Variants in SAE1 observed in about 807,000 individuals in gnomAD.
SAE1 encodes the protein SUMO-activating enzyme subunit 1.
A neutral mutation model predicts 40.6 loss-of-function variants in SAE1; 11 were observed. The ratio of observed to expected loss-of-function variants is 0.27; its 90% confidence interval spans 0.17 to 0.45. The LOEUF is 0.45. SAE1 is among the 20% of genes least tolerant of loss of function. The pLI is 1.00. For synonymous variants in SAE1, 155 were observed against 154.3 expected (o/e 1.00, Z -0.03); for missense variants, 373 against 427.3 (o/e 0.87, Z 1.12).
chr19:47,179,141 G>A (rs1270039695), intron 6 of SAE1, among the ~76,000 whole-genome samples: 4 of 144,946 alleles, frequency 2.8e-5, no homozygotes, highest in Non-Finnish European at 4.5e-5. Flanking sequence ...GCAGTGAGCC[G>A]AGATCTCACC....
chr19:47,196,171 G>C (rs1194681434), intron 6 of SAE1, among the ~76,000 whole-genome samples: 1 of 148,522 alleles, frequency 6.7e-6, no homozygotes, highest in Non-Finnish European at 1.5e-5. Flanking sequence ...TCAGCCTTCC[G>C]AGTAGCTGGG....
At chr19:47,198,212 C>T (rs141987360) in intron 7 of SAE1, among the ~76,000 whole-genome samples, 74 of 152,198 alleles carry the variant, frequency 4.9e-4, no homozygotes, top group African/African-American at 1.7e-3. Flanking sequence ...TGGGTCCAAG[C>T]GATTCTCCTA....
intron 6 of SAE1, among the ~76,000 whole-genome samples, chr19:47,176,455 G>A (rs773279602): frequency 2.0e-5 from 3 of 152,162 alleles, no homozygotes; most frequent in Non-Finnish European, 4.4e-5. Context: ...GCCTAATGGC[G>A]CACATAGTAG....
At chr19:47,148,649 C>G (rs2058268573) in intron 2 of SAE1, among the ~76,000 whole-genome samples, 1 of 150,206 alleles carries the variant, frequency 6.7e-6, no homozygotes, top group Admixed American at 6.6e-5. Flanking sequence ...GAGTCTCACT[C>G]TGTTGCCCAG....
At chr19:47,144,901 C>A (rs901753217) in intron 2 of SAE1, among the ~76,000 whole-genome samples, 1 of 151,990 alleles carries the variant, frequency 6.6e-6, no homozygotes, top group Non-Finnish European at 1.5e-5. Flanking sequence ...GCGCAATCTC[C>A]GCACACTGCA....
intron 6 of SAE1, among the ~76,000 whole-genome samples, chr19:47,173,483 C>T (rs2058448138): frequency 6.6e-6 from 1 of 152,128 alleles, no homozygotes; most frequent in Non-Finnish European, 1.5e-5. Context: ...TCAATGACCC[C>T]TGTGATGTTG....
rs958403274 is a variant in SAE1 at position 47,149,163 on chromosome 19, CTTTT to C, written c.211-1017_211-1014del. On this transcript the variant is annotated intron_variant, in intron 2 of 8. Transcript: ENST00000270225. ...TACTGTGCCAGGCTGCACTGGTCTA[CTTTT>C]TTTTTTTTTTTTTTTTTTTTTGAGA... Among the ~76,000 whole-genome samples, 335 of 86,470 alleles carry C rather than the reference CTTTT, an allele frequency of 3.9e-3. 1 individual carries two copies. The highest frequency in any genetic ancestry group is 0.015 in the African/African-American group (318 of 21,272). The allele number at this position is 86,470 out of a possible 152,430, so 56.7% of individuals were successfully genotyped here. A position where few individuals can be genotyped will look rare whatever the true frequency, so the allele number is the denominator to read the frequency against.
At chr19:47,149,014 G>A (rs528486068) in intron 2 of SAE1, among the ~76,000 whole-genome samples, 1 of 151,874 alleles carries the variant, frequency 6.6e-6, no homozygotes, top group Admixed American at 6.6e-5. Context: ...TCATGAGGTT[G>A]CAATTTTTGT....
chr19:47,162,087 TAGC>T (rs2058362731), intron 5 of SAE1, among the ~76,000 whole-genome samples: 1 of 152,260 alleles, frequency 6.6e-6, no homozygotes, highest in Non-Finnish European at 1.5e-5. Flanking sequence ...CTGTATTGCA[TAGC>T]ACAGATTACA....
At chr19:47,149,021 T>C (rs2058270886) in intron 2 of SAE1, among the ~76,000 whole-genome samples, 1 of 152,052 alleles carries the variant, frequency 6.6e-6, no homozygotes, top group Admixed American at 6.6e-5. Context: ...GTTGCAATTT[T>C]TGTTGTTTTT....
chr19:47,132,317 C>G (rs1328964059), intron 1 of SAE1, among the ~76,000 whole-genome samples: 1 of 150,714 alleles, frequency 6.6e-6, no homozygotes, highest in Admixed American at 6.6e-5. Flanking sequence ...GGTGGGATCA[C>G]AGCTCACTGT....
At chr19:47,157,603 G>C (rs2058332002) in intron 5 of SAE1, among the ~76,000 whole-genome samples, 1 of 152,198 alleles carries the variant, frequency 6.6e-6, no homozygotes, top group African/African-American at 2.4e-5. Context: ...ACCTCTTTTG[G>C]GAACCACTTT....
chr19:47,190,127 T>C (rs1336960369), intron 6 of SAE1, among the ~76,000 whole-genome samples: 7 of 152,220 alleles, frequency 4.6e-5, no homozygotes, highest in Non-Finnish European at 8.8e-5. Flanking sequence ...GCAATGAATG[T>C]CATCCCCCCA....
chr19:47,182,635 G>C (rs2058517238), intron 6 of SAE1, among the ~76,000 whole-genome samples: 1 of 152,092 alleles, frequency 6.6e-6, no homozygotes, highest in African/African-American at 2.4e-5. Context: ...CACAAATGCG[G>C]CTCAGTGCCT....
chr19:47,183,930 T>G (rs1325948837), intron 6 of SAE1, among the ~76,000 whole-genome samples: 4 of 152,212 alleles, frequency 2.6e-5, no homozygotes, highest in African/African-American at 9.6e-5. Flanking sequence ...AACAGTTCTG[T>G]GACCAGAGGG....
chr19:47,170,982 T>C (rs150724573), intron 6 of SAE1, among the ~76,000 whole-genome samples: 1 of 152,194 alleles, frequency 6.6e-6, no homozygotes, highest in Non-Finnish European at 1.5e-5. Flanking sequence ...TGGCACTTTT[T>C]TGTTTGTTTT....
chr19:47,204,238 C>T (rs1252053543), intron 8 of SAE1, among the ~76,000 whole-genome samples: 1 of 145,730 alleles, frequency 6.9e-6, no homozygotes, highest in Non-Finnish European at 1.5e-5. Flanking sequence ...CGCTCTGTCC[C>T]CCAGGCTGGA....
At chr19:47,170,023 G>T in intron 6 of SAE1, 100 bp downstream of exon 6, 1 of 869,412 alleles carries the variant, frequency 1.2e-6, no homozygotes. Context: ...TTTGCCTTGG[G>T]TGGCATTCTT....
chr19:47,156,677 C>A (rs947646670), intron 5 of SAE1, among the ~76,000 whole-genome samples: 3 of 152,010 alleles, frequency 2.0e-5, no homozygotes, highest in Non-Finnish European at 4.4e-5. Context: ...TGCCACCACA[C>A]CCAGCTAATT....
Sources: allele counts gnomAD v4.1 joint callset (sites outside exome capture counted in the v4.1 genomes callset), GRCh38; gene constraint gnomAD v4.1.1; transcripts MANE v1.5; gene names NCBI Gene and HGNC (gene_info 2026-07-23, HGNC 2026-07-21).